The following ADGRL3 variants were observed in gnomAD, a reference collection of about 807,000 sequenced individuals.
ADGRL3 encodes the protein adhesion G protein-coupled receptor L3.
Under a neutral mutation model 153.5 loss-of-function variants are expected in ADGRL3, and 62 were observed. That is an observed-to-expected ratio of 0.40 (90% CI 0.33 to 0.50). The LOEUF (loss-of-function observed/expected upper bound fraction) is 0.50. Ranked by LOEUF, ADGRL3 falls within the 20% of genes least tolerant of loss-of-function variation. ADGRL3 has a pLI of 0.47. For synonymous variants in ADGRL3, 710 were observed against 672.5 expected, an observed-to-expected ratio of 1.06 and a Z score of -0.86; for missense variants, 1,641 against 1,859.4, an observed-to-expected ratio of 0.88 and a Z score of 2.16.
intron 5 of ADGRL3, among the ~76,000 whole-genome samples, chr4:61,639,467 C>T (rs1421255543): frequency 1.3e-5 from 2 of 152,060 alleles, no homozygotes; most frequent in Non-Finnish European, 2.9e-5. Context: ...AATTGGTTAT[C>T]AAAACCTATA....
At chr4:61,765,068 G>C (rs2096959994) in intron 8 of ADGRL3, among the ~76,000 whole-genome samples, 1 of 152,152 alleles carries the variant, frequency 6.6e-6, no homozygotes, top group African/African-American at 2.4e-5. Flanking sequence ...AGGAGATTCA[G>C]CATAGTCCTG....
intron 5 of ADGRL3, among the ~76,000 whole-genome samples, chr4:61,593,058 C>G (rs1050231784): frequency 2.6e-5 from 4 of 152,088 alleles, no homozygotes; most frequent in African/African-American, 9.7e-5. Flanking sequence ...TATCTTATAA[C>G]CCACTATTTA....
chr4:61,624,004 G>T (rs1230128025), intron 5 of ADGRL3, among the ~76,000 whole-genome samples: 1 of 152,146 alleles, frequency 6.6e-6, no homozygotes, highest in African/African-American at 2.4e-5. Flanking sequence ...GGCACTCAGA[G>T]TACATGGGGG....
chr4:61,715,791 G>A (rs2096098075), intron 6 of ADGRL3, among the ~76,000 whole-genome samples: 1 of 151,818 alleles, frequency 6.6e-6, no homozygotes, highest in Non-Finnish European at 1.5e-5. Flanking sequence ...TTGGAGAGAT[G>A]GGCTTTTATT....
intron 6 of ADGRL3, among the ~76,000 whole-genome samples, chr4:61,717,033 C>A (rs531865148): frequency 1.3e-5 from 2 of 152,180 alleles, no homozygotes; most frequent in South Asian, 4.1e-4. Flanking sequence ...GAAAGGTGAA[C>A]TGATGTTAAG....
At chr4:61,902,128 CT>C (rs1553876605) in intron 11 of ADGRL3, among the ~76,000 whole-genome samples, 2 of 152,130 alleles carry the variant, frequency 1.3e-5, no homozygotes, top group Non-Finnish European at 2.9e-5. Flanking sequence ...AAGATATTCA[CT>C]TTGGGTGCCA....
intron 23 of ADGRL3, among the ~76,000 whole-genome samples, chr4:62,035,940 C>T (rs1178496072): frequency 6.6e-6 from 1 of 152,170 alleles, no homozygotes; most frequent in Non-Finnish European, 1.5e-5. Flanking sequence ...ATTCCTGACA[C>T]ATAATAGTTA....
intron 2 of ADGRL3, among the ~76,000 whole-genome samples, chr4:61,455,678 T>A (rs958461719): frequency 6.6e-6 from 1 of 152,018 alleles, no homozygotes; most frequent in African/African-American, 2.4e-5. Context: ...GGGAAGTAGA[T>A]AATTAAATAA....
intron 2 of ADGRL3, among the ~76,000 whole-genome samples, chr4:61,406,432 A>G (rs1415429128): frequency 6.6e-6 from 1 of 151,590 alleles, no homozygotes; most frequent in Non-Finnish European, 1.5e-5. Context: ...TATAGATGCT[A>G]TATATTATTA....
intron 2 of ADGRL3, among the ~76,000 whole-genome samples, chr4:61,439,652 T>G (rs1295290095): frequency 6.6e-6 from 1 of 152,026 alleles, no homozygotes; most frequent in Admixed American, 6.6e-5. Context: ...CCCCTCCCTA[T>G]ATCCATGTGT....
intron 18 of ADGRL3, among the ~76,000 whole-genome samples, chr4:61,983,015 GACTCTA>G (rs1184091570): frequency 2.6e-5 from 4 of 151,802 alleles, no homozygotes; most frequent in Admixed American, 6.6e-5. Context: ...CTCTAACTCT[GACTCTA>G]ACTCTAACTC....
chr4:61,417,389 G>A (rs953615569), intron 2 of ADGRL3, among the ~76,000 whole-genome samples: 5 of 152,012 alleles, frequency 3.3e-5, no homozygotes, highest in Non-Finnish European at 5.9e-5. Context: ...GCAACGCTGA[G>A]GTGGGAGGAT....
chr4:61,350,088 G>A (rs934864930), intron 1 of ADGRL3, among the ~76,000 whole-genome samples: 1 of 152,176 alleles, frequency 6.6e-6, no homozygotes, highest in African/African-American at 2.4e-5. Context: ...ACTTACTAAG[G>A]ACTAGGTGAT....
intron 8 of ADGRL3, among the ~76,000 whole-genome samples, chr4:61,810,568 A>G (rs1359273301): frequency 6.6e-6 from 1 of 152,164 alleles, no homozygotes. Context: ...ACTTTAGTAG[A>G]AATTGCACAG....
intron 6 of ADGRL3, among the ~76,000 whole-genome samples, chr4:61,724,766 CA>C (rs1294196749): frequency 2.6e-5 from 4 of 152,028 alleles, no homozygotes; most frequent in African/African-American, 9.7e-5. Flanking sequence ...ATGAACTTCA[CA>C]TTTTTTTTTA....
intron 2 of ADGRL3, among the ~76,000 whole-genome samples, chr4:61,453,540 C>T (rs754587633): frequency 4.6e-5 from 7 of 151,728 alleles, no homozygotes; most frequent in African/African-American, 9.7e-5. Context: ...TTTTAATAGG[C>T]GCTGTATGGG....
rs1267487798 is a variant in ADGRL3, at chr4:61,904,656, C to T, written c.1888-4904C>T. Among the ~76,000 whole-genome samples, 3 of 142,098 alleles carry T rather than the reference C, an allele frequency of 2.1e-5. No individual in the cohort carries two copies. The East Asian group carries it at 6.2e-4, about 29-fold the overall frequency. 93.2% of individuals were successfully genotyped at this position (142,098 alleles called of 152,430 possible). Reference sequence around the variant, plus strand: ...ATAATACAATAATTAATATTGAAAACTATGTTTGTATAACTACACAGAAAA... The same window carrying T: ...ATAATACAATAATTAATATTGAAAATTATGTTTGTATAACTACACAGAAAA... On this transcript the variant is annotated intron_variant, in intron 11 of 26. Coordinates refer to ENST00000683033, the MANE Select transcript of ADGRL3 (RefSeq NM_001387552.1).
intron 13 of ADGRL3, among the ~76,000 whole-genome samples, chr4:61,918,178 T>C (rs1335786702): frequency 6.6e-6 from 1 of 152,026 alleles, no homozygotes; most frequent in Admixed American, 6.6e-5. Context: ...TGCTAAGAGA[T>C]TGTATAGAGT....
At chr4:61,393,065 A>G (rs1358267428) in intron 2 of ADGRL3, among the ~76,000 whole-genome samples, 1 of 152,144 alleles carries the variant, frequency 6.6e-6, no homozygotes, top group Non-Finnish European at 1.5e-5. Flanking sequence ...TGGTTTTGCC[A>G]TTAACTTGCT....
Sources: gnomAD v4.1 joint callset for allele counts (sites outside exome capture counted in the v4.1 genomes callset) on GRCh38, gnomAD v4.1.1 for gene constraint, MANE v1.5 for transcripts, NCBI Gene and HGNC (gene_info 2026-07-23, HGNC 2026-07-21) for gene names.